Variants in CADM2 observed in about 807,000 individuals in gnomAD.
The protein encoded by CADM2 is cell adhesion molecule 2.
A neutral mutation model predicts 49.8 loss-of-function variants in CADM2; 12 were observed. That is an observed-to-expected ratio of 0.24 (90% confidence interval 0.15 to 0.39). The LOEUF (loss-of-function observed/expected upper bound fraction) is 0.39. Ranked by LOEUF, CADM2 falls within the 10% of genes least tolerant of loss-of-function variation. CADM2 has a pLI of 1.00. For missense variants in CADM2, 378 were observed against 492.3 expected (o/e 0.77, Z 2.20); for synonymous variants, 214 against 175.4 (o/e 1.22, Z -1.74).
intron 1 of CADM2, among the ~76,000 whole-genome samples, chr3:85,664,079 A>G (rs1026303215): frequency 5.3e-5 from 8 of 151,980 alleles, no homozygotes; most frequent in African/African-American, 1.7e-4. Context: ...TTTTCTTCTC[A>G]TAGGATGATT....
At chr3:85,651,754 G>A (rs950831620) in intron 1 of CADM2, among the ~76,000 whole-genome samples, 1 of 151,460 alleles carries the variant, frequency 6.6e-6, no homozygotes, top group African/African-American at 2.4e-5. Flanking sequence ...CTACACCCTT[G>A]GTTTACAATA....
chr3:85,300,827 C>G (rs1045929348), intron 1 of CADM2, among the ~76,000 whole-genome samples: 1 of 151,968 alleles, frequency 6.6e-6, no homozygotes, highest in Non-Finnish European at 1.5e-5. Flanking sequence ...GGGAGGGAGA[C>G]GTGCTTCTTG....
intron 1 of CADM2, among the ~76,000 whole-genome samples, chr3:85,434,774 A>C (rs576600537): frequency 4.6e-5 from 7 of 152,180 alleles, no homozygotes; most frequent in Admixed American, 4.6e-4. Context: ...CAAAAATAAA[A>C]CTGCTGAACC....
intron 1 of CADM2, among the ~76,000 whole-genome samples, chr3:85,124,834 A>T (rs1242304757): frequency 6.6e-6 from 1 of 152,176 alleles, no homozygotes. Flanking sequence ...TTTATTAAAC[A>T]CTGTACCAAA....
chr3:85,365,875 G>C (rs1050115888), intron 1 of CADM2, among the ~76,000 whole-genome samples: 2 of 152,096 alleles, frequency 1.3e-5, no homozygotes, highest in African/African-American at 2.4e-5. Flanking sequence ...AATTGGGCAA[G>C]TTTTATATTA....
chr3:85,021,989 G>C (rs2034531822), intron 1 of CADM2, among the ~76,000 whole-genome samples: 2 of 152,100 alleles, frequency 1.3e-5, no homozygotes, highest in South Asian at 4.1e-4. Context: ...TGTTATGTGT[G>C]TTTTAGCATG....
At chr3:85,335,214 A>G (rs1416712918) in intron 1 of CADM2, among the ~76,000 whole-genome samples, 2 of 151,512 alleles carry the variant, frequency 1.3e-5, no homozygotes, top group Non-Finnish European at 3.0e-5. Context: ...CCTAGCTTCC[A>G]TTCCTCACCA....
intron 8 of CADM2, chr3:86,013,939 G>A: frequency 1.3e-6 from 2 of 1,579,930 alleles, no homozygotes; most frequent in Non-Finnish European, 1.7e-6. Context: ...TTAAATATGT[G>A]GTTGGCAAAA....
intron 3 of CADM2, among the ~76,000 whole-genome samples, chr3:85,872,798 A>G (rs925160313): frequency 1.3e-5 from 2 of 151,622 alleles, no homozygotes; most frequent in African/African-American, 4.8e-5. Flanking sequence ...CCAAAATTTT[A>G]TGGTTTAGTT....
chr3:85,312,913 AC>A (rs2044381328), intron 1 of CADM2, among the ~76,000 whole-genome samples: 1 of 152,208 alleles, frequency 6.6e-6, no homozygotes, highest in South Asian at 2.1e-4. Flanking sequence ...TTATTTTTCA[AC>A]CATGATTCCT....
intron 1 of CADM2, among the ~76,000 whole-genome samples, chr3:85,653,838 A>G (rs1210438657): frequency 6.6e-6 from 1 of 152,236 alleles, no homozygotes. Context: ...ACAGGGAAAA[A>G]TAGGTCAAGA....
chr3:85,000,157 AG>A (rs1284006935), intron 1 of CADM2, among the ~76,000 whole-genome samples: 1 of 133,486 alleles, frequency 7.5e-6, no homozygotes, highest in Non-Finnish European at 1.6e-5. Flanking sequence ...TCCCTGCCCC[AG>A]GGTATAGTGT....
chr3:86,009,245 T>C (rs1286225799), intron 8 of CADM2, among the ~76,000 whole-genome samples: 2 of 148,488 alleles, frequency 1.3e-5, no homozygotes, highest in African/African-American at 4.9e-5. Flanking sequence ...ATATATATTC[T>C]TTCCAGTATT....
At chr3:85,628,461 A>G (rs963178261) in intron 1 of CADM2, among the ~76,000 whole-genome samples, 5 of 150,908 alleles carry the variant, frequency 3.3e-5, no homozygotes, top group African/African-American at 1.2e-4. Context: ...TATATCTTTA[A>G]TATGGAGGGA....
chr3:85,859,511 C>A (rs1485294410), intron 3 of CADM2, among the ~76,000 whole-genome samples: 2 of 152,244 alleles, frequency 1.3e-5, no homozygotes, highest in East Asian at 1.9e-4. Flanking sequence ...GGATTACAGG[C>A]ATGAGCCACT....
At chr3:85,222,949 A>G (rs2042074662) in intron 1 of CADM2, among the ~76,000 whole-genome samples, 1 of 152,068 alleles carries the variant, frequency 6.6e-6, no homozygotes, top group East Asian at 1.9e-4. Context: ...TTTCAAAAAC[A>G]TGTATTATTT....
chr3:85,352,590 G>A (rs1028316088), intron 1 of CADM2, among the ~76,000 whole-genome samples: 2 of 152,036 alleles, frequency 1.3e-5, no homozygotes, highest in African/African-American at 4.8e-5. Flanking sequence ...AGTTGGTTAC[G>A]AGGTGGTGTT....
At chr3:85,460,038 T>G (rs1271870417) in intron 1 of CADM2, among the ~76,000 whole-genome samples, 1 of 152,220 alleles carries the variant, frequency 6.6e-6, no homozygotes, top group Non-Finnish European at 1.5e-5. Flanking sequence ...CCTTAGATAC[T>G]GTAAAAAATG....
At chr3:85,999,239 C>G (rs1729816896) in intron 8 of CADM2, among the ~76,000 whole-genome samples, 1 of 149,516 alleles carries the variant, frequency 6.7e-6, no homozygotes, top group Non-Finnish European at 1.5e-5. Context: ...TGGCTCACAC[C>G]TGTAATCCCA....
Sources: gnomAD v4.1 joint callset for allele counts (sites outside exome capture counted in the v4.1 genomes callset) on GRCh38, gnomAD v4.1.1 for gene constraint, MANE v1.5 for transcripts, NCBI Gene and HGNC (gene_info 2026-07-23, HGNC 2026-07-21) for gene names.